FAM83B: variants seen among roughly 807,000 people sequenced by gnomAD.
The protein encoded by FAM83B is protein FAM83B.
In FAM83B, 26 loss-of-function variants were observed where a neutral mutation model predicts 38.8. The ratio of observed to expected loss-of-function variants is 0.67; its 90% CI spans 0.49 to 0.93. The LOEUF (loss-of-function observed/expected upper bound fraction) is 0.93. Ranked by LOEUF, FAM83B falls within the 40% of genes least tolerant of loss-of-function variation. The pLI, the probability that FAM83B is intolerant of heterozygous loss-of-function variation, is 0.00. For synonymous variants in FAM83B, 419 were observed against 423.1 expected, an observed-to-expected ratio of 0.99 and a Z score of 0.12; for missense variants, 1,237 against 1,197.3, an observed-to-expected ratio of 1.03 and a Z score of -0.49.
At position 54,941,712 on chromosome 6, in the gene FAM83B, C is replaced by A; in HGVS notation, c.2741C>A (p.Ser914Tyr). Residue 914 changes from serine to tyrosine, a missense_variant, in exon 5 of 5, where the codon TCT (serine) becomes TAT (tyrosine). By Grantham distance (144) the Ser-to-Tyr change is moderately radical (BLOSUM62 -2). Coordinates refer to ENST00000306858, the MANE Select transcript of FAM83B (RefSeq NM_001010872.3). ...GTTACCCCTGAAAGAAGACCTACTT[C>A]TTCTCCAAGGCCAACGTCCAGTGAG... is the stretch of plus-strand genomic sequence containing the variant. ...AVVTPERRPT[S>Y]SPRPTSSELL... 1.2e-6 allele frequency: 2 copies of A among 1,614,118 alleles called. No homozygotes were observed. Among genetic ancestry groups the A allele is most frequent in the Non-Finnish European group, 1.7e-6 (2 of 1,179,996 alleles).
chr6:54,920,462 TTG>T (rs1363413124), intron 2 of FAM83B, among the ~76,000 whole-genome samples: 1 of 151,876 alleles, frequency 6.6e-6, no homozygotes, highest in East Asian at 1.9e-4. Flanking sequence ...ATAGTGACAG[TTG>T]TGTGACTAAA....
intron 4 of FAM83B, among the ~76,000 whole-genome samples, chr6:54,939,345 C>T (rs879757947): frequency 1.3e-5 from 2 of 151,992 alleles, no homozygotes; most frequent in South Asian, 2.1e-4. Context: ...GCTATGCAGG[C>T]TCTTTTTTGG....
intron 2 of FAM83B, among the ~76,000 whole-genome samples, chr6:54,881,852 G>T (rs1363673355): frequency 6.6e-6 from 1 of 152,136 alleles, no homozygotes; most frequent in East Asian, 1.9e-4. Flanking sequence ...CCATGTTGGT[G>T]TGCTGCACCC....
chr6:54,852,914 A>G (rs1771342282), intron 1 of FAM83B, among the ~76,000 whole-genome samples: 1 of 149,430 alleles, frequency 6.7e-6, no homozygotes, highest in African/African-American at 2.5e-5. Flanking sequence ...AACTTTCCTA[A>G]AAGATTATTC....
chr6:54,906,827 T>G (rs556667868), intron 2 of FAM83B, among the ~76,000 whole-genome samples: 95 of 152,332 alleles, frequency 6.2e-4, no homozygotes, highest in African/African-American at 2.2e-3. Context: ...CTAAGAATTA[T>G]ATTTCAGTCC....
chr6:54,907,076 C>A (rs1772791225), intron 2 of FAM83B, among the ~76,000 whole-genome samples: 2 of 152,098 alleles, frequency 1.3e-5, no homozygotes, highest in Non-Finnish European at 2.9e-5. Context: ...ATGGAGAAAG[C>A]CTACTTTTTA....
At chr6:54,880,902 C>T (rs1028045305) in intron 2 of FAM83B, among the ~76,000 whole-genome samples, 1 of 152,070 alleles carries the variant, frequency 6.6e-6, no homozygotes, top group East Asian at 1.9e-4. Flanking sequence ...TAGAGACATA[C>T]ATGTATACAC....
chr6:54,944,956 T>C lies in FAM83B; in HGVS notation c.*2949T>C, dbSNP rs1350874555. On this transcript the variant is annotated 3_prime_UTR_variant, in exon 5 of 5. Coordinates refer to ENST00000306858, the MANE Select transcript of FAM83B (RefSeq NM_001010872.3). ...TATGCCCAGTCTGGACTCCAAGTCC[T>C]GGGCTCAAACGATCCTCCAGCCTCA... is the stretch of plus-strand genomic sequence containing the variant. 6.6e-6 allele frequency: 1 copy of C among 152,222 alleles called. No individual in the cohort carries two copies. The highest frequency in any genetic ancestry group is 1.5e-5 in the Non-Finnish European group (1 of 68,036). 9.4% of individuals were successfully genotyped at this position (152,222 alleles called of 1,614,324 possible).
chr6:54,854,814 A>G (rs931519097), intron 1 of FAM83B, among the ~76,000 whole-genome samples: 17 of 152,220 alleles, frequency 1.1e-4, no homozygotes, highest in Non-Finnish European at 1.5e-5. Context: ...TTTATTTTCT[A>G]GTAGCTAAAA....
chr6:54,854,835 A>G (rs1054196244), intron 1 of FAM83B, among the ~76,000 whole-genome samples: 1 of 152,234 alleles, frequency 6.6e-6, no homozygotes, highest in African/African-American at 2.4e-5. Flanking sequence ...TATAAATACA[A>G]TTGACGATTG....
At position 54,942,669 on chromosome 6, in the gene FAM83B, G is replaced by A. The variant is rs1156762631; in HGVS notation, c.*662G>A. 6.8e-6 allele frequency among the ~76,000 whole-genome samples: 1 copy of A among 146,672 alleles called. No individual in the cohort carries two copies. The highest frequency in any genetic ancestry group is 1.5e-5 in the Non-Finnish European group (1 of 67,948). ...AGCCTTTGAAAACGGTCTGGGATGT[G>A]CTTCTTTCTACACTGGACCCAGGGA... On this transcript the variant is annotated 3_prime_UTR_variant, in exon 5 of 5. Transcript: ENST00000306858.
At chr6:54,912,821 C>T (rs879336318) in intron 2 of FAM83B, among the ~76,000 whole-genome samples, 4 of 151,636 alleles carry the variant, frequency 2.6e-5, no homozygotes, top group Non-Finnish European at 2.9e-5. Context: ...GCATAATTTA[C>T]GGAAGCTATT....
chr6:54,849,922 T>C (rs1222378548), intron 1 of FAM83B, among the ~76,000 whole-genome samples: 1 of 152,014 alleles, frequency 6.6e-6, no homozygotes, highest in East Asian at 1.9e-4. Flanking sequence ...TTGAAGAGTT[T>C]ATAGAGAAGT....
intron 2 of FAM83B, among the ~76,000 whole-genome samples, chr6:54,892,714 GTATATATA>G (rs1411881747): frequency 3.3e-4 from 49 of 148,384 alleles, no homozygotes; most frequent in Non-Finnish European, 5.6e-4. Flanking sequence ...TGTATATATT[GTATATATA>G]TTTATATTTT....
chr6:54,865,304 T>A (rs1771673206), intron 1 of FAM83B, among the ~76,000 whole-genome samples: 1 of 152,178 alleles, frequency 6.6e-6, no homozygotes, highest in Non-Finnish European at 1.5e-5. Context: ...CATTCCAGTC[T>A]CTGCCTCTGT....
intron 1 of FAM83B, among the ~76,000 whole-genome samples, chr6:54,868,335 G>A (rs1394310157): frequency 3.9e-5 from 6 of 152,074 alleles, no homozygotes; most frequent in Non-Finnish European, 8.8e-5. Context: ...CCGCACAAGT[G>A]ATTCTATTTA....
chr6:54,878,965 A>C (rs987930218), intron 2 of FAM83B, among the ~76,000 whole-genome samples: 2 of 152,216 alleles, frequency 1.3e-5, no homozygotes, highest in African/African-American at 4.8e-5. Flanking sequence ...ATGGGATGTG[A>C]AATAGGTTGA....
chr6:54,883,909 C>T (rs1242814440), intron 2 of FAM83B, among the ~76,000 whole-genome samples: 1 of 151,860 alleles, frequency 6.6e-6, no homozygotes, highest in East Asian at 2.0e-4. Context: ...GTGGCTCATG[C>T]CTGTAATCCC....
chr6:54,884,682 T>TA (rs1772226426), intron 2 of FAM83B, among the ~76,000 whole-genome samples: 1 of 152,154 alleles, frequency 6.6e-6, no homozygotes, highest in African/African-American at 2.4e-5. Context: ...GACTCTATTC[T>TA]AATTCCATTG....
Sources: gnomAD v4.1 joint callset for allele counts (sites outside exome capture counted in the v4.1 genomes callset) on GRCh38, gnomAD v4.1.1 for gene constraint, MANE v1.5 for transcripts, NCBI Gene and HGNC (gene_info 2026-07-23, HGNC 2026-07-21) for gene names.